RC3H1: variants seen among roughly 807,000 people sequenced by gnomAD.
The protein encoded by RC3H1 is ring finger and CCCH-type domains 1, also known as roquin-1.
A neutral mutation model predicts 138.2 loss-of-function variants in RC3H1; 50 were observed. The observed-to-expected ratio is 0.36, with a 90% CI of 0.29 to 0.46. The LOEUF (loss-of-function observed/expected upper bound fraction) is 0.46, where lower values mean the gene tolerates loss of function less well. Among genes scored for constraint, RC3H1 ranks in the 20% least tolerant of loss-of-function variants. The probability of loss-of-function intolerance (pLI) is 1.00; values close to 1 mark genes in which losing one functional copy is unlikely to be tolerated. For synonymous variants in RC3H1, 462 were observed against 489.1 expected, an observed-to-expected ratio of 0.94 and a Z score of 0.73; for missense variants, 1,031 against 1,388.1, an observed-to-expected ratio of 0.74 and a Z score of 4.09.
intron 10 of RC3H1, among the ~76,000 whole-genome samples, 196 bp from the exon 11 acceptor site, chr1:173,964,383 G>A (rs1047776898): frequency 6.6e-5 from 10 of 151,172 alleles, no homozygotes; most frequent in African/African-American, 1.2e-4. Flanking sequence ...ACAGAGTCTC[G>A]CTCTGTTGCT....
rs1658847819 is a variant in RC3H1 at position 173,941,273 on chromosome 1, CAATGT to C, written c.3238_3242del (p.Thr1080AspfsTer4). The C allele has an allele frequency of 1.2e-6, 2 of 1,604,392 alleles. No individual in the cohort carries two copies. The highest frequency in any genetic ancestry group is 1.7e-6 in the Non-Finnish European group (2 of 1,171,710). Reference sequence around the variant, plus strand: ...AATCTCCTTTTCTTTACCTGAATGTCAATGTAAGGTCCTCAGCCGGAACCTTGTTT... The same window carrying C: ...AATCTCCTTTTCTTTACCTGAATGTCAAGGTCCTCAGCCGGAACCTTGTTT... On this transcript the variant is annotated frameshift_variant, in exon 19 of 20. Transcript: ENST00000367696. LOFTEE classifies it high-confidence loss of function.
intron 11 of RC3H1, 112 bp downstream of exon 11, chr1:173,963,861 T>C (rs977893583): frequency 6.3e-6 from 5 of 790,838 alleles, no homozygotes; most frequent in Non-Finnish European, 1.0e-5. Flanking sequence ...AAAAAATGCA[T>C]TTATACATTT....
chr1:173,992,872 G>A lies in RC3H1; in HGVS notation c.114C>T (p.Cys38=), dbSNP rs769960713. The A allele has an allele frequency of 6.8e-6, 11 of 1,614,134 alleles. No individual in the cohort carries two copies. The Admixed American group carries it at 1.2e-4, about 17-fold the overall frequency. ...PISLGCGHTV[C]KMCLNKLHRK... Reference sequence around the variant, plus strand: ...GGTGGAGTTTATTCAGGCACATCTTGCAGACAGTATGGCCACAACCCAAAC... The same window carrying A: ...GGTGGAGTTTATTCAGGCACATCTTACAGACAGTATGGCCACAACCCAAAC... Residue 38 remains cysteine (C), a synonymous_variant, in exon 2 of 20, where the codon TGC becomes TGT. Transcript: ENST00000367696.
intron 9 of RC3H1, among the ~76,000 whole-genome samples, chr1:173,965,845 T>C (rs1029599864): frequency 7.9e-5 from 12 of 151,882 alleles, no homozygotes; most frequent in African/African-American, 2.9e-4. Flanking sequence ...TTTACTCTGT[T>C]AAAAAATTTA....
intron 1 of RC3H1, among the ~76,000 whole-genome samples, chr1:174,009,086 C>G (rs1661706127): frequency 6.6e-6 from 1 of 151,830 alleles, no homozygotes; most frequent in South Asian, 2.1e-4. Flanking sequence ...TATGACACTT[C>G]CTCCAAAATA....
chr1:173,988,215 G>A (rs550212325), intron 2 of RC3H1, among the ~76,000 whole-genome samples: 1 of 152,136 alleles, frequency 6.6e-6, no homozygotes, highest in South Asian at 2.1e-4. Context: ...AAGAAATACT[G>A]TTTCACCAAT....
chr1:173,970,355 G>T lies in RC3H1; in HGVS notation c.1334+150C>A, dbSNP rs1031894351. The T allele has an allele frequency of 1.4e-5, 8 of 562,526 alleles. No homozygotes were observed. In the South Asian group the frequency reaches 2.0e-4, roughly 14 times the overall value. 34.8% of individuals were successfully genotyped at this position (562,526 alleles called of 1,614,324 possible). On this transcript the variant is annotated intron_variant, in intron 9 of 19. Transcript: ENST00000367696. ...CATTTTTGGATTTTGAAGCATTTCA[G>T]ATTTTCAGAATAGGAATGTTCAAGC... is the stretch of plus-strand genomic sequence containing the variant.
intron 1 of RC3H1, among the ~76,000 whole-genome samples, chr1:174,003,989 G>A (rs1002955569): frequency 2.0e-5 from 3 of 150,042 alleles, no homozygotes; most frequent in Non-Finnish European, 4.4e-5. Flanking sequence ...ACAGTAACTG[G>A]TATGTCACTC....
At position 173,936,113 on chromosome 1, in the gene RC3H1, A is replaced by G. The variant is rs1658571605; in HGVS notation, c.*2608T>C. The G allele has an allele frequency of 6.6e-6, 1 of 152,246 alleles. No individual in the cohort carries two copies. Among genetic ancestry groups the G allele is most frequent in the Non-Finnish European group, 1.5e-5 (1 of 68,038 alleles). 9.4% of individuals were successfully genotyped at this position (152,246 alleles called of 1,614,324 possible). On this transcript the variant is annotated 3_prime_UTR_variant, in exon 20 of 20. Coordinates refer to ENST00000367696, the MANE Select transcript of RC3H1 (RefSeq NM_172071.4). ...ATCAAAATGGCAAAAGCCAAGAACA[A>G]GTGTATTTAAAGGAAATGAGAACAA...
intron 3 of RC3H1, 57 bp downstream of exon 3, chr1:173,984,442 A>C (rs1379740425): frequency 1.0e-5 from 16 of 1,545,654 alleles, no homozygotes; most frequent in African/African-American, 1.4e-5. Context: ...AGGATTATGT[A>C]CTGAGTATTT....
At chr1:174,007,003 C>T (rs1476858776) in intron 1 of RC3H1, among the ~76,000 whole-genome samples, 2 of 152,148 alleles carry the variant, frequency 1.3e-5, no homozygotes, top group African/African-American at 4.8e-5. Flanking sequence ...CCCCCCCTCA[C>T]TATCCCTCCC....
chr1:173,949,789 C>T (rs1659306652), intron 14 of RC3H1, among the ~76,000 whole-genome samples: 1 of 152,108 alleles, frequency 6.6e-6, no homozygotes, highest in African/African-American at 2.4e-5. Context: ...TAAATGTCCA[C>T]CAATACAAAA....
chr1:173,970,230 T>C (rs139908687), intron 9 of RC3H1, among the ~76,000 whole-genome samples: 327 of 152,352 alleles, frequency 2.1e-3, no homozygotes, highest in Non-Finnish European at 2.6e-3. Flanking sequence ...AGTAATTTTA[T>C]ACATTATTTT....
At position 173,961,234 on chromosome 1, in the gene RC3H1, T is replaced by C. The variant is rs763275285; in HGVS notation, c.2213A>G (p.Tyr738Cys). The C allele has an allele frequency of 6.2e-7, 1 of 1,605,384 alleles. No homozygotes were observed. Residue 738 changes from tyrosine to cysteine, a missense_variant, in exon 13 of 20, where the codon TAT becomes TGT. Transcript: ENST00000367696. Reference protein sequence around the residue: ...IRPSYLREPPYSRLPPPPQPH... With the variant: ...IRPSYLREPPCSRLPPPPQPH... ...CTGGGGAGGAGGAGGAAGCCGGCTATAAGGAGGTTCCTAAAAATAGAAAGA... is the reference window on the plus strand; with the variant it reads ...CTGGGGAGGAGGAGGAAGCCGGCTACAAGGAGGTTCCTAAAAATAGAAAGA...
At chr1:174,020,416 A>C (rs1237887199) in intron 1 of RC3H1, among the ~76,000 whole-genome samples, 1 of 152,214 alleles carries the variant, frequency 6.6e-6, no homozygotes, top group Admixed American at 6.5e-5. Flanking sequence ...TAAGAACTAG[A>C]CTAGTGCTGC....
intron 14 of RC3H1, among the ~76,000 whole-genome samples, chr1:173,949,968 A>T (rs1659314696): frequency 6.6e-6 from 1 of 152,108 alleles, no homozygotes; most frequent in Non-Finnish European, 1.5e-5. Context: ...GGAGTTCGAG[A>T]CGAGCCTGAC....
At chr1:173,977,161 T>C (rs1660623929) in intron 7 of RC3H1, among the ~76,000 whole-genome samples, 1 of 152,054 alleles carries the variant, frequency 6.6e-6, no homozygotes, top group South Asian at 2.1e-4. Flanking sequence ...CCTGACCTCG[T>C]GATCCGCCCG....
At chr1:173,996,634 T>A (rs894336740) in intron 1 of RC3H1, among the ~76,000 whole-genome samples, 1 of 152,198 alleles carries the variant, frequency 6.6e-6, no homozygotes, top group African/African-American at 2.4e-5. Flanking sequence ...GTCTCCATCC[T>A]GGGAGAAGCT....
intron 14 of RC3H1, among the ~76,000 whole-genome samples, chr1:173,949,970 G>C (rs1175267076): frequency 6.6e-6 from 1 of 151,942 alleles, no homozygotes; most frequent in Non-Finnish European, 1.5e-5. Context: ...AGTTCGAGAC[G>C]AGCCTGACCA....
Sources: allele counts gnomAD v4.1 joint callset (sites outside exome capture counted in the v4.1 genomes callset), GRCh38; gene constraint gnomAD v4.1.1; transcripts MANE v1.5; gene names NCBI Gene and HGNC (gene_info 2026-07-23, HGNC 2026-07-21).